Variants in CFAP263 observed in about 807,000 individuals in gnomAD.
The protein encoded by CFAP263 is cilia- and flagella-associated protein 263.
chr16:58,278,601 C>A, the CFAP263 span: 79 of 1,614,176 alleles, frequency 4.9e-5, 1 homozygote, highest in Middle Eastern at 6.6e-4. Flanking sequence ...TGGAGAAGAG[C>A]ATCAGGATGT....
At chr16:58,262,706 T>A in the CFAP263 span, among the ~76,000 whole-genome samples, 1 of 151,628 alleles carries the variant, frequency 6.6e-6, no homozygotes, top group Non-Finnish European at 1.5e-5. Flanking sequence ...ACCCTGGCTG[T>A]GCATGAGAAC....
the CFAP263 span, among the ~76,000 whole-genome samples, chr16:58,266,536 G>C: frequency 6.3e-4 from 95 of 149,996 alleles, no homozygotes; most frequent in African/African-American, 2.2e-3. Flanking sequence ...CTCCCCTACT[G>C]TCCGGGCTGT....
the CFAP263 span, chr16:58,258,571 G>A: frequency 6.4e-6 from 10 of 1,567,052 alleles, no homozygotes; most frequent in Admixed American, 1.7e-4. Flanking sequence ...TTCTTACAGG[G>A]ATGTTATGGA....
the CFAP263 span, chr16:58,258,417 T>C: frequency 6.2e-7 from 1 of 1,613,982 alleles, no homozygotes; most frequent in Non-Finnish European, 8.5e-7. Context: ...TCGAGAGAAG[T>C]GCATGAGTTT....
At chr16:58,282,829 A>G in the CFAP263 span, 1 of 152,382 alleles carries the variant, frequency 6.6e-6, no homozygotes, top group South Asian at 2.1e-4. Flanking sequence ...AGCCAGAGCA[A>G]GAAAAAGAAT....
the CFAP263 span, chr16:58,278,719 A>C: frequency 7.6e-6 from 10 of 1,310,190 alleles, no homozygotes; most frequent in East Asian, 2.3e-4. Context: ...TGGGGTAAGA[A>C]TACAGATGTT....
chr16:58,280,300 C>T, the CFAP263 span: 1 of 1,614,076 alleles, frequency 6.2e-7, no homozygotes, highest in Non-Finnish European at 8.5e-7. Context: ...CCTGTTCTGA[C>T]CTGCAAAAAT....
chr16:58,260,137 T>G, the CFAP263 span, among the ~76,000 whole-genome samples: 3 of 152,202 alleles, frequency 2.0e-5, no homozygotes, highest in East Asian at 5.8e-4. Context: ...ATTACCTGGG[T>G]GGGCCCTATA....
the CFAP263 span, chr16:58,258,554 A>G: frequency 4.8e-5 from 77 of 1,603,590 alleles, no homozygotes; most frequent in Non-Finnish European, 6.1e-5. Context: ...TAGAAAGGGA[A>G]AAAACATTCT....
the CFAP263 span, among the ~76,000 whole-genome samples, chr16:58,266,841 A>G: frequency 3.3e-5 from 5 of 152,166 alleles, no homozygotes; most frequent in African/African-American, 1.2e-4. Context: ...GTGCTCCTGC[A>G]GGACTCCTCT....
the CFAP263 span, among the ~76,000 whole-genome samples, chr16:58,266,838 T>C: frequency 0.58 from 88,723 of 151,968 alleles, 26,957 homozygotes; most frequent in African/African-American, 0.75. Context: ...GCTGTGCTCC[T>C]GCAGGACTCC....
chr16:58,280,120 G>A, the CFAP263 span: 3 of 1,179,304 alleles, frequency 2.5e-6, no homozygotes, highest in South Asian at 4.5e-5. Context: ...ATCCGTGGCA[G>A]CCCCAGTGTG....
At chr16:58,258,136 C>G in the CFAP263 span, among the ~76,000 whole-genome samples, 4 of 150,914 alleles carry the variant, frequency 2.7e-5, no homozygotes, top group Non-Finnish European at 5.9e-5. Context: ...AAGATAGATA[C>G]CTGACACCTG....
the CFAP263 span, among the ~76,000 whole-genome samples, chr16:58,261,804 A>G: frequency 6.6e-6 from 1 of 152,198 alleles, no homozygotes; most frequent in Non-Finnish European, 1.5e-5. Flanking sequence ...CAGATATAAA[A>G]TGGCATAGAC....
chr16:58,273,535 A>G, the CFAP263 span, among the ~76,000 whole-genome samples: 1 of 152,214 alleles, frequency 6.6e-6, no homozygotes, highest in African/African-American at 2.4e-5. Context: ...GTTTTAAAAA[A>G]TGAATTTCTA....
At chr16:58,269,723 A>G in the CFAP263 span, among the ~76,000 whole-genome samples, 1 of 152,198 alleles carries the variant, frequency 6.6e-6, no homozygotes, top group Non-Finnish European at 1.5e-5. Context: ...TTATCCATTC[A>G]TCAGTTGGTG....
At chr16:58,263,591 C>T in the CFAP263 span, among the ~76,000 whole-genome samples, 81 of 152,304 alleles carry the variant, frequency 5.3e-4, no homozygotes, top group Middle Eastern at 3.4e-3. Context: ...TTGTTTGGCC[C>T]ACACAGTTTA....
At chr16:58,259,873 TACG>T in the CFAP263 span, 1 of 1,591,776 alleles carries the variant, frequency 6.3e-7, no homozygotes. Flanking sequence ...AAGGAGAAAT[TACG>T]TTTGAAAAAT....
chr16:58,259,042 A>G, the CFAP263 span, among the ~76,000 whole-genome samples: 1 of 150,484 alleles, frequency 6.6e-6, no homozygotes, highest in Non-Finnish European at 1.5e-5. Flanking sequence ...CGTGTTTATC[A>G]AGGCTAACAC....
Sources: allele counts gnomAD v4.1 joint callset (sites outside exome capture counted in the v4.1 genomes callset), GRCh38; gene constraint gnomAD v4.1.1; transcripts MANE v1.5; gene names NCBI Gene and HGNC (gene_info 2026-07-23, HGNC 2026-07-21).